The following ANKRD42 variants were observed in gnomAD, a reference collection of about 807,000 sequenced individuals.
ANKRD42 encodes ankyrin repeat domain 42, also known as ankyrin repeat domain-containing protein 42.
In ANKRD42, 43 loss-of-function variants were observed where a neutral mutation model predicts 51.5. The observed-to-expected ratio is 0.83, with a 90% CI of 0.65 to 1.08. ANKRD42 has a LOEUF of 1.08. Ranked by LOEUF, ANKRD42 falls within the 50% of genes least tolerant of loss-of-function variation. The probability of loss-of-function intolerance (pLI) is 0.00; values close to 1 mark genes in which losing one functional copy is unlikely to be tolerated. For synonymous variants in ANKRD42, 203 were observed against 213.0 expected, an observed-to-expected ratio of 0.95 and a Z score of 0.41; for missense variants, 608 against 629.3, an observed-to-expected ratio of 0.97 and a Z score of 0.36.
rs946566597 is a variant in ANKRD42, at chr11:83,193,765, G to A, written c.-906G>A. On this transcript the variant is annotated 5_prime_UTR_variant, in exon 1 of 11. Transcript: ENST00000533342. ...CCTCTCCAGCCAAGTGGCTGGAGTCGGGAGGCTGGAAAGAGACTCCGAGAA... is the reference window on the plus strand; with the variant it reads ...CCTCTCCAGCCAAGTGGCTGGAGTCAGGAGGCTGGAAAGAGACTCCGAGAA... The A allele has an allele frequency of 4.5e-6, 2 of 442,636 alleles. No homozygotes were observed. The highest frequency in any genetic ancestry group is 9.1e-6 in the Non-Finnish European group (2 of 220,472). 27.4% of individuals were successfully genotyped at this position (442,636 alleles called of 1,614,324 possible).
At chr11:83,247,885 A>G in intron 10 of ANKRD42, 58 bp from the exon 11 acceptor site, 3 of 1,412,188 alleles carry the variant, frequency 2.1e-6, no homozygotes, top group Non-Finnish European at 2.9e-6. Flanking sequence ...TTCCACTACT[A>G]AAAGTAATTA....
intron 5 of ANKRD42, chr11:83,213,944 G>A (rs896211665): frequency 4.6e-5 from 7 of 152,376 alleles, no homozygotes; most frequent in Admixed American, 4.6e-4. Flanking sequence ...AGGCTGGAGT[G>A]CAGTGGTGCA....
chr11:83,201,729 T>G (rs1861878748), intron 2 of ANKRD42, among the ~76,000 whole-genome samples: 1 of 152,276 alleles, frequency 6.6e-6, no homozygotes, highest in African/African-American at 2.4e-5. Flanking sequence ...ATTGTAGTTT[T>G]GACTTGCGTT....
At chr11:83,255,396 AAAAC>A (rs1000389203) in intron 11 of ANKRD42, among the ~76,000 whole-genome samples, 15 of 152,216 alleles carry the variant, frequency 9.9e-5, no homozygotes, top group Non-Finnish European at 1.8e-4. Flanking sequence ...ATGCAGTACA[AAAAC>A]AAAAGAGGGA....
At chr11:83,229,791 G>C (rs954834902) in intron 7 of ANKRD42, among the ~76,000 whole-genome samples, 3 of 152,134 alleles carry the variant, frequency 2.0e-5, no homozygotes, top group African/African-American at 7.2e-5. Context: ...GGTGGAGGGG[G>C]ATTATAAGTC....
chr11:83,228,806 C>G (rs1862977035), intron 7 of ANKRD42, among the ~76,000 whole-genome samples: 1 of 152,106 alleles, frequency 6.6e-6, no homozygotes, highest in Non-Finnish European at 1.5e-5. Context: ...GAGAGAGGTC[C>G]ACAGATTGGT....
chr11:83,213,505 G>T (rs1352800808), intron 5 of ANKRD42: 6 of 1,307,100 alleles, frequency 4.6e-6, no homozygotes, highest in African/African-American at 3.0e-5. Context: ...GGCTTCCTTC[G>T]CTTTTTCAGA....
At chr11:83,225,879 T>C (rs776825743) in intron 6 of ANKRD42, among the ~76,000 whole-genome samples, 4 of 151,160 alleles carry the variant, frequency 2.6e-5, no homozygotes, top group Non-Finnish European at 5.9e-5. Context: ...TCCTCAAGGG[T>C]AAACTATTAT....
At chr11:83,262,080 T>G, downstream of ANKRD42, 1 of 661,646 alleles carries the variant, frequency 1.5e-6, no homozygotes, top group East Asian at 2.8e-5. Context: ...CCAACCAATT[T>G]TCTATCCTAT....
At chr11:83,250,728 C>T (rs1195385930), downstream of ANKRD42, among the ~76,000 whole-genome samples, 1 of 152,234 alleles carries the variant, frequency 6.6e-6, no homozygotes, top group African/African-American at 2.4e-5. Context: ...AGATTCTCTC[C>T]CCTATCTCTG....
rs1862400786 is a variant in ANKRD42 at position 83,213,308 on chromosome 11, C to T, written c.586+1878C>T. 7.5e-6 allele frequency: 12 copies of T among 1,589,834 alleles called. No individual in the cohort carries two copies. In the East Asian group the frequency reaches 2.5e-4, roughly 33 times the overall value. On this transcript the variant is annotated intron_variant, in intron 5 of 10. Coordinates refer to ENST00000533342, the MANE Select transcript of ANKRD42 (RefSeq NM_001300975.2). ...ATCTTACTGTGCTGAGATGTTTCCT[C>T]CAAGAACTGCAAAGCCATCGTGGAA...
chr11:83,197,080 G>GGT (rs375836608), intron 1 of ANKRD42, among the ~76,000 whole-genome samples: 25 of 151,496 alleles, frequency 1.7e-4, no homozygotes, highest in African/African-American at 1.9e-4. Flanking sequence ...GTTTATTAAA[G>GGT]GTGTGTGTGT....
At chr11:83,240,652 G>T in intron 8 of ANKRD42, 107 bp from the exon 9 acceptor site, 3 of 1,245,614 alleles carry the variant, frequency 2.4e-6, no homozygotes, top group Non-Finnish European at 3.3e-6. Flanking sequence ...CTGGTGAGTG[G>T]ATTGATGGCA....
At chr11:83,258,144 C>T (rs1435401596), downstream of ANKRD42, among the ~76,000 whole-genome samples, 1 of 152,064 alleles carries the variant, frequency 6.6e-6, no homozygotes. Context: ...GAGCAAGGGC[C>T]CTGACACCAT....
downstream of ANKRD42, chr11:83,260,857 T>G (rs938376597): frequency 1.3e-5 from 2 of 152,198 alleles, no homozygotes; most frequent in Non-Finnish European, 2.9e-5. Context: ...TAAATTTTCC[T>G]ATGAGTTTCT....
At chr11:83,209,018 A>C (rs1461204214) in intron 3 of ANKRD42, among the ~76,000 whole-genome samples, 1 of 152,244 alleles carries the variant, frequency 6.6e-6, no homozygotes, top group African/African-American at 2.4e-5. Context: ...GGCCAATTGC[A>C]AATTCAGATG....
At chr11:83,224,083 TA>T (rs548805455) in intron 5 of ANKRD42, among the ~76,000 whole-genome samples, 283 of 152,176 alleles carry the variant, frequency 1.9e-3, no homozygotes, top group African/African-American at 6.5e-3. Context: ...TTTATAGCTT[TA>T]AAAAATACCT....
chr11:83,193,876 T>G lies in ANKRD42; in HGVS notation c.-795T>G, dbSNP rs1413306577. 2 of 454,406 alleles carry G rather than the reference T, an allele frequency of 4.4e-6. No homozygotes were observed. Among genetic ancestry groups the G allele is most frequent in the African/African-American group, 4.0e-5 (2 of 49,894 alleles). The allele number at this position is 454,406 out of a possible 1,614,324, so 28.1% of individuals were successfully genotyped here. A position where few individuals can be genotyped will look rare whatever the true frequency, so the allele number is the denominator to read the frequency against. On this transcript the variant is annotated 5_prime_UTR_variant, in exon 1 of 11. Transcript: ENST00000533342. ...TGGCCGCCGCACTAGCCACCACGTG[T>G]GGAGGATAAACGGTCTACACGGCCA...
chr11:83,247,230 C>CT (rs761085936), intron 10 of ANKRD42, among the ~76,000 whole-genome samples: 1,566 of 147,586 alleles, frequency 0.011, 21 homozygotes, highest in Non-Finnish European at 0.015. Context: ...CTACTAATGA[C>CT]TTTTTTTTTT....
Sources: gnomAD v4.1 joint callset for allele counts (sites outside exome capture counted in the v4.1 genomes callset) on GRCh38, gnomAD v4.1.1 for gene constraint, MANE v1.5 for transcripts, NCBI Gene and HGNC (gene_info 2026-07-23, HGNC 2026-07-21) for gene names.